GPBP1: variants seen among roughly 807,000 people sequenced by gnomAD.
GPBP1 encodes GC-rich promoter binding protein 1, also known as vasculin.
Under a neutral mutation model 56.5 loss-of-function variants are expected in GPBP1, and 13 were observed. The ratio of observed to expected loss-of-function variants is 0.23; its 90% CI spans 0.15 to 0.37. The LOEUF (loss-of-function observed/expected upper bound fraction) is 0.37, where lower values mean the gene tolerates loss of function less well. GPBP1 is among the 10% of genes least tolerant of loss of function. GPBP1 has a pLI of 1.00. For synonymous variants in GPBP1, 204 were observed against 188.9 expected, an observed-to-expected ratio of 1.08 and a Z score of -0.66; for missense variants, 477 against 572.3, an observed-to-expected ratio of 0.83 and a Z score of 1.70.
chr5:57,221,285 G>T (rs1755947239), intron 3 of GPBP1: 1 of 772,146 alleles, frequency 1.3e-6, no homozygotes, highest in African/African-American at 1.8e-5. Flanking sequence ...ATATACCTGT[G>T]GCGCACTAGT....
rs114636359 is a variant in GPBP1, at chr5:57,194,036, G to A, written c.-58+17636G>A. On this transcript the variant is annotated intron_variant, in intron 2 of 11. Transcript: ENST00000506184. ...CTTTTGCTTTCTAATACAAGTAGTA[G>A]CATCATGTCTACCCTGCTCTACAGT... 3.6e-3 allele frequency among the ~76,000 whole-genome samples: 546 copies of A among 152,268 alleles called. 3 individuals carry two copies. The highest frequency in any genetic ancestry group is 8.0e-3 in the Admixed American group (123 of 15,284).
chr5:57,259,083 A>G (rs906528829), intron 10 of GPBP1, among the ~76,000 whole-genome samples: 1 of 152,210 alleles, frequency 6.6e-6, no homozygotes, highest in Non-Finnish European at 1.5e-5. Context: ...AAGAGTAAAG[A>G]TAGTGCATTG....
intron 2 of GPBP1, among the ~76,000 whole-genome samples, chr5:57,177,514 C>T (rs1261652345): frequency 6.6e-6 from 1 of 151,974 alleles, no homozygotes; most frequent in African/African-American, 2.4e-5. Flanking sequence ...GCTCTTGTTG[C>T]CCAGGATGGA....
intron 10 of GPBP1, among the ~76,000 whole-genome samples, chr5:57,255,756 C>G (rs572486695): frequency 5.3e-5 from 8 of 152,282 alleles, no homozygotes; most frequent in African/African-American, 1.9e-4. Context: ...CTTATAACCC[C>G]TAATAGACAT....
At chr5:57,241,387 A>AAG (rs1404386912) in intron 6 of GPBP1, among the ~76,000 whole-genome samples, 1 of 152,190 alleles carries the variant, frequency 6.6e-6, no homozygotes, top group East Asian at 1.9e-4. Flanking sequence ...TAGGTATGGG[A>AAG]AGAGCATGAA....
At chr5:57,241,125 A>G (rs111277788) in intron 6 of GPBP1, among the ~76,000 whole-genome samples, 5 of 152,330 alleles carry the variant, frequency 3.3e-5, no homozygotes, top group African/African-American at 1.2e-4. Flanking sequence ...ATTTCTAGGT[A>G]GTGGGCCAAA....
chr5:57,195,161 TGA>T (rs1186283496), intron 2 of GPBP1, among the ~76,000 whole-genome samples: 3 of 152,122 alleles, frequency 2.0e-5, no homozygotes, highest in Non-Finnish European at 4.4e-5. Flanking sequence ...ATTTTTCTAT[TGA>T]GTTCTTTTTT....
At chr5:57,193,823 A>C (rs951034394) in intron 2 of GPBP1, among the ~76,000 whole-genome samples, 1 of 152,138 alleles carries the variant, frequency 6.6e-6, no homozygotes, top group Non-Finnish European at 1.5e-5. Context: ...TATTCAGGAA[A>C]CAGTAAAATT....
At chr5:57,261,644 A>G (rs574768471) in intron 11 of GPBP1, among the ~76,000 whole-genome samples, 2 of 152,230 alleles carry the variant, frequency 1.3e-5, no homozygotes, top group East Asian at 1.9e-4. Context: ...CATTTTCCAG[A>G]CCTTTTTTGT....
intron 6 of GPBP1, among the ~76,000 whole-genome samples, chr5:57,241,878 C>G (rs544388378): frequency 2.0e-5 from 3 of 152,232 alleles, no homozygotes; most frequent in Admixed American, 2.0e-4. Context: ...ATGTTTGACT[C>G]TAAGAGCTTA....
At chr5:57,225,409 G>A (rs1217001903) in intron 3 of GPBP1, among the ~76,000 whole-genome samples, 7 of 149,550 alleles carry the variant, frequency 4.7e-5, no homozygotes, top group Non-Finnish European at 7.4e-5. Context: ...CAGGAGAATG[G>A]CATGAACCCG....
At chr5:57,174,768 G>A (rs955979834) in intron 1 of GPBP1, among the ~76,000 whole-genome samples, 1 of 152,176 alleles carries the variant, frequency 6.6e-6, no homozygotes, top group Non-Finnish European at 1.5e-5. Flanking sequence ...ACCATTCTTT[G>A]GTTTACGAAA....
At chr5:57,229,928 G>A (rs1440065566) in intron 3 of GPBP1, among the ~76,000 whole-genome samples, 1 of 141,790 alleles carries the variant, frequency 7.1e-6, no homozygotes, top group Non-Finnish European at 1.5e-5. Context: ...TTCCCATCCC[G>A]TTGCATCGCA....
At chr5:57,241,892 A>G (rs557175913) in intron 6 of GPBP1, among the ~76,000 whole-genome samples, 2 of 152,368 alleles carry the variant, frequency 1.3e-5, no homozygotes, top group South Asian at 4.1e-4. Flanking sequence ...GAGCTTAAAT[A>G]CTTGGCAAGG....
At chr5:57,213,913 C>G (rs1339828903) in intron 2 of GPBP1, among the ~76,000 whole-genome samples, 161 bp from the exon 3 acceptor site, 2 of 152,202 alleles carry the variant, frequency 1.3e-5, no homozygotes, top group East Asian at 1.9e-4. Flanking sequence ...AGTCATCCCC[C>G]TTCCAAGTTG....
intron 2 of GPBP1, among the ~76,000 whole-genome samples, chr5:57,203,779 T>C (rs2111710634): frequency 6.6e-6 from 1 of 152,338 alleles, no homozygotes. Context: ...TCTAATAACC[T>C]AGATTTCTTA....
chr5:57,191,150 A>G (rs188379923), intron 2 of GPBP1, among the ~76,000 whole-genome samples: 4 of 151,782 alleles, frequency 2.6e-5, no homozygotes, highest in East Asian at 3.9e-4. Context: ...CAGTGGCACA[A>G]CCTTGGCTTA....
intron 2 of GPBP1, among the ~76,000 whole-genome samples, chr5:57,203,644 CAAAGAAA>C (rs1755110353): frequency 6.6e-6 from 1 of 151,244 alleles, no homozygotes; most frequent in Non-Finnish European, 1.5e-5. Context: ...GATTCTGTCT[CAAAGAAA>C]AAAGAAAAAG....
In GPBP1 at chr5:57,264,151, G is replaced by C. The variant is rs1046332650; in HGVS notation, c.*1399G>C. Reference sequence around the variant, plus strand: ...GTTCCCACTGAGACTGATGGTGATGGGGAAATTAAAAACAACACACTAGCA... The same window carrying C: ...GTTCCCACTGAGACTGATGGTGATGCGGAAATTAAAAACAACACACTAGCA... On this transcript the variant is annotated 3_prime_UTR_variant, in exon 12 of 12. Transcript: ENST00000506184. The C allele has an allele frequency of 3.3e-5, 5 of 151,842 alleles. No individual in the cohort carries two copies. The highest frequency in any genetic ancestry group is 1.2e-4 in the African/African-American group (5 of 41,340). The allele number at this position is 151,842 out of a possible 1,614,324, so 9.4% of individuals were successfully genotyped here. A position where few individuals can be genotyped will look rare whatever the true frequency, so the allele number is the denominator to read the frequency against.
Sources: allele counts gnomAD v4.1 joint callset (sites outside exome capture counted in the v4.1 genomes callset), GRCh38; gene constraint gnomAD v4.1.1; transcripts MANE v1.5; gene names NCBI Gene and HGNC (gene_info 2026-07-23, HGNC 2026-07-21).